Variants in PCBD2 observed in about 807,000 individuals in gnomAD.
The protein encoded by PCBD2 is pterin-4 alpha-carbinolamine dehydratase 2, also known as pterin-4-alpha-carbinolamine dehydratase 2.
PCBD2 carries 12 observed loss-of-function variants against 16.4 expected under a neutral mutation model. The ratio of observed to expected loss-of-function variants is 0.73; its 90% CI spans 0.47 to 1.19. PCBD2 has a LOEUF of 1.19. Ranked by LOEUF, PCBD2 falls within the 50% of genes most tolerant of loss-of-function variation. The probability of loss-of-function intolerance (pLI) is 0.00; values close to 1 mark genes in which losing one functional copy is unlikely to be tolerated. For synonymous variants in PCBD2, 58 were observed against 61.8 expected (o/e 0.94, Z 0.29); for missense variants, 138 against 156.8 (o/e 0.88, Z 0.64).
At chr5:134,923,988 AG>A (rs1339741755) in intron 2 of PCBD2, 2 of 394,254 alleles carry the variant, frequency 5.1e-6, no homozygotes, top group Non-Finnish European at 9.0e-6. Flanking sequence ...TGGGGTGGGG[AG>A]GTCGATAAAT....
intron 2 of PCBD2, among the ~76,000 whole-genome samples, chr5:134,945,098 T>C (rs913013073): frequency 7.2e-5 from 11 of 152,382 alleles, no homozygotes; most frequent in African/African-American, 2.6e-4. Flanking sequence ...ATATAAAGTA[T>C]GATTTGCATA....
At chr5:134,954,070 A>G (rs559465010) in intron 2 of PCBD2, among the ~76,000 whole-genome samples, 2 of 152,058 alleles carry the variant, frequency 1.3e-5, no homozygotes, top group East Asian at 1.9e-4. Flanking sequence ...GGATCCCCCA[A>G]CCTCAACCTC....
rs115331566 is a variant in PCBD2, at chr5:134,951,836, A to G, written c.217-7204A>G. Reference sequence around the variant, plus strand: ...AAAAATGGTGGTTGGTCTCATTAATATGTAGGAGCTTTTTATATGCTAAGG... The same window carrying G: ...AAAAATGGTGGTTGGTCTCATTAATGTGTAGGAGCTTTTTATATGCTAAGG... On this transcript the variant is annotated intron_variant, in intron 2 of 3. Coordinates refer to ENST00000254908, the MANE Select transcript of PCBD2 (RefSeq NM_032151.5). 8.7e-3 allele frequency among the ~76,000 whole-genome samples: 1,319 copies of G among 152,246 alleles called. 14 individuals carry two copies. The highest frequency in any genetic ancestry group is 0.03 in the African/African-American group (1,255 of 41,556).
chr5:134,947,217 C>T (rs187761892), intron 2 of PCBD2, among the ~76,000 whole-genome samples: 226 of 151,768 alleles, frequency 1.5e-3, no homozygotes, highest in Non-Finnish European at 1.9e-3. Context: ...CTCAGCCTCC[C>T]GAGTAGCTGG....
intron 2 of PCBD2, chr5:134,925,925 C>G (rs528428071): frequency 1.8e-5 from 7 of 391,500 alleles, no homozygotes; most frequent in Middle Eastern, 1.3e-3. Flanking sequence ...AAACCGATGT[C>G]GCCGATACGG....
chr5:134,961,583 C>A lies in PCBD2; in HGVS notation c.*902C>A, dbSNP rs1751478263. Among the ~76,000 whole-genome samples the A allele has an allele frequency of 6.6e-6, 1 of 152,122 alleles. No homozygotes were observed. The highest frequency in any genetic ancestry group is 1.5e-5 in the Non-Finnish European group (1 of 68,032). On this transcript the variant is annotated 3_prime_UTR_variant, in exon 4 of 4. Transcript: ENST00000254908. Reference sequence around the variant, plus strand: ...ACAGGCATGAGCCACCGCGCTTGGCCAGAAGTGGCATTCTTAAATTCAAGA... The same window carrying A: ...ACAGGCATGAGCCACCGCGCTTGGCAAGAAGTGGCATTCTTAAATTCAAGA...
intron 2 of PCBD2, among the ~76,000 whole-genome samples, chr5:134,913,880 A>T (rs1445480013): frequency 6.6e-6 from 1 of 152,136 alleles, no homozygotes; most frequent in South Asian, 2.1e-4. Flanking sequence ...GGTTCAAGCT[A>T]TAGTGTAAAG....
At chr5:134,941,073 C>CCACTGCA (rs1751221694) in intron 2 of PCBD2, among the ~76,000 whole-genome samples, 1 of 149,024 alleles carries the variant, frequency 6.7e-6, no homozygotes, top group Admixed American at 6.7e-5. Context: ...CAAGATCACG[C>CCACTGCA]CACTGCACTC....
In PCBD2 at chr5:134,940,304, C is replaced by T. The variant is rs553079419; in HGVS notation, c.217-18736C>T. On this transcript the variant is annotated intron_variant, in intron 2 of 3. Coordinates refer to ENST00000254908, the MANE Select transcript of PCBD2 (RefSeq NM_032151.5). ...GGGGTTTAGGGCAAGTAACTGCTGCCGTCCCTGCCGGCTCCAACCCTGTTG... is the reference window on the plus strand; with the variant it reads ...GGGGTTTAGGGCAAGTAACTGCTGCTGTCCCTGCCGGCTCCAACCCTGTTG... Among the ~76,000 whole-genome samples, 6 of 152,298 alleles carry T rather than the reference C, an allele frequency of 3.9e-5. No homozygotes were observed. In the East Asian group the frequency reaches 7.7e-4, roughly 20 times the overall value.
At chr5:134,928,341 T>C in intron 2 of PCBD2, 1 of 381,134 alleles carries the variant, frequency 2.6e-6, no homozygotes, top group South Asian at 1.3e-4. Flanking sequence ...TAAATATGAT[T>C]ATCATAATTT....
chr5:134,918,279 C>T (rs1236610632), intron 2 of PCBD2, among the ~76,000 whole-genome samples: 9 of 152,058 alleles, frequency 5.9e-5, no homozygotes, highest in South Asian at 2.1e-4. Flanking sequence ...CCGAAGCAGG[C>T]GGGTCACCAG....
At chr5:134,927,303 C>T (rs1056778101) in intron 2 of PCBD2, 12 of 398,336 alleles carry the variant, frequency 3.0e-5, no homozygotes, top group South Asian at 1.3e-4. Context: ...GAGTGTGAGG[C>T]GTATTATACC....
At chr5:134,924,285 G>A (rs1418129615) in intron 2 of PCBD2, 1 of 394,814 alleles carries the variant, frequency 2.5e-6, no homozygotes, top group East Asian at 3.6e-5. Flanking sequence ...GGGTTTAATG[G>A]TTTTTTTAAT....
At chr5:134,935,708 T>G (rs1383013339) in intron 2 of PCBD2, among the ~76,000 whole-genome samples, 1 of 152,238 alleles carries the variant, frequency 6.6e-6, no homozygotes. Flanking sequence ...TTCTGGAAAT[T>G]TTGTGTTTTA....
intron 1 of PCBD2, 147 bp from the exon 2 acceptor site, chr5:134,910,188 G>T: frequency 2.4e-6 from 2 of 848,598 alleles, no homozygotes; most frequent in Non-Finnish European, 3.5e-6. Context: ...CCTTGCTTTG[G>T]TCTCTTTAAG....
intron 2 of PCBD2, among the ~76,000 whole-genome samples, chr5:134,937,757 G>A (rs1323476434): frequency 1.3e-5 from 2 of 152,194 alleles, no homozygotes; most frequent in Admixed American, 1.3e-4. Context: ...CTGCAATTAA[G>A]TTTTTGATCA....
chr5:134,911,037 C>T (rs1488798519), intron 2 of PCBD2, among the ~76,000 whole-genome samples: 1 of 152,220 alleles, frequency 6.6e-6, no homozygotes, highest in Non-Finnish European at 1.5e-5. Context: ...ATCCTCCTGC[C>T]TTGGCCTCCC....
intron 2 of PCBD2, among the ~76,000 whole-genome samples, chr5:134,914,191 A>G (rs1321119596): frequency 6.6e-6 from 1 of 152,132 alleles, no homozygotes; most frequent in Non-Finnish European, 1.5e-5. Context: ...AGATGCCAAT[A>G]GGCCGTTACA....
intron 2 of PCBD2, among the ~76,000 whole-genome samples, chr5:134,918,525 T>TA (rs950432624): frequency 6.6e-6 from 1 of 152,000 alleles, no homozygotes; most frequent in African/African-American, 2.4e-5. Flanking sequence ...AAATAAAAAT[T>TA]AAAAAATGTC....
Sources: allele counts gnomAD v4.1 joint callset (sites outside exome capture counted in the v4.1 genomes callset), GRCh38; gene constraint gnomAD v4.1.1; transcripts MANE v1.5; gene names NCBI Gene and HGNC (gene_info 2026-07-23, HGNC 2026-07-21).